C3orf70: variants seen among roughly 807,000 people sequenced by gnomAD.
The protein encoded by C3orf70 is chromosome 3 open reading frame 70, also known as UPF0524 protein C3orf70.
C3orf70 carries 15 observed loss-of-function variants against 20.7 expected under a neutral mutation model. The observed-to-expected ratio is 0.72, with a 90% CI of 0.48 to 1.11. C3orf70 has a LOEUF of 1.11. C3orf70 is among the 50% of genes most tolerant of loss of function. C3orf70 has a pLI of 0.00. For synonymous variants in C3orf70, 161 were observed against 125.7 expected (o/e 1.28, Z -1.88); for missense variants, 332 against 317.6 (o/e 1.05, Z -0.34).
At chr3:185,085,403 A>G (rs1715438849) in intron 1 of C3orf70, among the ~76,000 whole-genome samples, 1 of 152,186 alleles carries the variant, frequency 6.6e-6, no homozygotes, top group African/African-American at 2.4e-5. Flanking sequence ...TGACTCCTGC[A>G]CAAAAAAGCC....
chr3:185,136,702 C>G (rs575826373), intron 1 of C3orf70, among the ~76,000 whole-genome samples: 299 of 150,400 alleles, frequency 2.0e-3, no homozygotes, highest in Admixed American at 3.2e-3. Context: ...CCAGCCTGGG[C>G]GACAGAGCGA....
chr3:185,118,040 A>T (rs1327881007), intron 1 of C3orf70, among the ~76,000 whole-genome samples: 1 of 152,076 alleles, frequency 6.6e-6, no homozygotes, highest in East Asian at 1.9e-4. Flanking sequence ...AGTTTTTACA[A>T]TTTTTTGTGA....
chr3:185,093,352 A>C (rs1184963063), intron 1 of C3orf70, among the ~76,000 whole-genome samples: 1 of 152,242 alleles, frequency 6.6e-6, no homozygotes, highest in East Asian at 1.9e-4. Context: ...AAAATAGAGA[A>C]GCTGTTTGCC....
Position 185,083,000 on chromosome 3 carries a change from T to C in C3orf70, c.*7A>G. 1 of 1,610,212 alleles carries C rather than the reference T, an allele frequency of 6.2e-7. No individual in the cohort carries two copies. The highest frequency in any genetic ancestry group is 8.5e-7 in the Non-Finnish European group (1 of 1,177,758). ...GGGTCCGAGGCTGTGGCTTCCTGTC[T>C]GGACTCTCACACAGTCGTTTCTATC... On this transcript the variant is annotated 3_prime_UTR_variant, in exon 2 of 2. Transcript: ENST00000335012.
intron 1 of C3orf70, among the ~76,000 whole-genome samples, chr3:185,114,023 A>G (rs1716128173): frequency 6.6e-6 from 1 of 152,062 alleles, no homozygotes; most frequent in Non-Finnish European, 1.5e-5. Context: ...AACATGAAGA[A>G]ACCCTGTCTC....
Position 185,083,405 on chromosome 3 carries a change from CA to C in C3orf70, c.354del (p.Asp119ThrfsTer7), listed in dbSNP as rs768817325. 1.2e-6 allele frequency: 2 copies of C among 1,614,056 alleles called. No individual in the cohort carries two copies. Among genetic ancestry groups the C allele is most frequent in the East Asian group, 2.2e-5 (1 of 44,886 alleles). On this transcript the variant is annotated frameshift_variant, in exon 2 of 2. Transcript: ENST00000335012. LOFTEE classifies it high-confidence loss of function. ...GAAATCATACAGTACCTCGGTGAGT[CA>C]GGGGGAAGGGGAGGCTGGAAGACAG... ...FASVFQPPLP[P>X]DSPRYCMISD...
intron 1 of C3orf70, among the ~76,000 whole-genome samples, chr3:185,088,530 T>A (rs550934055): frequency 6.6e-6 from 1 of 152,294 alleles, no homozygotes; most frequent in South Asian, 2.1e-4. Context: ...ATCTATGATT[T>A]TTTTTCAAAA....
intron 1 of C3orf70, among the ~76,000 whole-genome samples, chr3:185,107,948 G>A (rs192994430): frequency 2.7e-4 from 41 of 152,072 alleles, no homozygotes; most frequent in Non-Finnish European, 2.5e-4. Context: ...ACTAATTCAC[G>A]GACTCTAACT....
chr3:185,080,620 G>A lies in C3orf70; in HGVS notation c.*2387C>T, dbSNP rs566649478. On this transcript the variant is annotated 3_prime_UTR_variant, in exon 2 of 2. Coordinates refer to ENST00000335012, the MANE Select transcript of C3orf70 (RefSeq NM_001025266.3). ...GTGTTGCTGTTACAAACCTGAGTGCGTGATGCATGACTGCACTGCTGTGGC... is the reference window on the plus strand; with the variant it reads ...GTGTTGCTGTTACAAACCTGAGTGCATGATGCATGACTGCACTGCTGTGGC... 3.1e-4 allele frequency: 47 copies of A among 152,636 alleles called. No homozygotes were observed. Among genetic ancestry groups the A allele is most frequent in the South Asian group, 4.1e-4 (2 of 4,822 alleles). The allele number at this position is 152,636 out of a possible 1,614,324, so 9.5% of individuals were successfully genotyped here.
intron 1 of C3orf70, among the ~76,000 whole-genome samples, chr3:185,119,933 G>T (rs911579728): frequency 6.7e-5 from 10 of 150,100 alleles, no homozygotes; most frequent in Admixed American, 3.3e-4. Context: ...GAGGCAGGAG[G>T]ATCGCTTGAA....
rs1173141371 is a variant in C3orf70, at chr3:185,114,351, T to A, written c.197-30788A>T. On this transcript the variant is annotated intron_variant, in intron 1 of 1. Transcript: ENST00000335012. ...GTAATTATTCAGATATGTGAACATATCCACACTTGGAAATATCCAAGAATT... is the reference window on the plus strand; with the variant it reads ...GTAATTATTCAGATATGTGAACATAACCACACTTGGAAATATCCAAGAATT... 2.6e-5 allele frequency among the ~76,000 whole-genome samples: 4 copies of A among 152,176 alleles called. No individual in the cohort carries two copies. The South Asian group carries it at 8.3e-4, about 32-fold the overall frequency.
At chr3:185,097,474 A>G (rs541721147) in intron 1 of C3orf70, among the ~76,000 whole-genome samples, 1 of 152,376 alleles carries the variant, frequency 6.6e-6, no homozygotes, top group East Asian at 1.9e-4. Context: ...AATGGCATAT[A>G]AAACTACTGA....
At chr3:185,124,273 A>G (rs181172703) in intron 1 of C3orf70, among the ~76,000 whole-genome samples, 256 of 152,328 alleles carry the variant, frequency 1.7e-3, no homozygotes, top group Non-Finnish European at 2.6e-3. Flanking sequence ...ACTGTACATG[A>G]AGAAAAAGCA....
At chr3:185,105,873 G>T (rs1364132445) in intron 1 of C3orf70, among the ~76,000 whole-genome samples, 1 of 152,210 alleles carries the variant, frequency 6.6e-6, no homozygotes, top group African/African-American at 2.4e-5. Flanking sequence ...AATGGGATAA[G>T]TGTGGGGTGT....
Position 185,105,756 on chromosome 3 carries a change from G to A in C3orf70, c.197-22193C>T, listed in dbSNP as rs139245823. On this transcript the variant is annotated intron_variant, in intron 1 of 1. Coordinates refer to ENST00000335012, the MANE Select transcript of C3orf70 (RefSeq NM_001025266.3). The stretch of plus-strand genomic sequence containing the variant: ...GGGCTCGAATCCAGGTTGAAGGGTC[G>A]CTGGAGCGATGGTTGGAGAATGTGG... Among the ~76,000 whole-genome samples, 37 of 152,296 alleles carry A rather than the reference G, an allele frequency of 2.4e-4. 1 individual carries two copies. The highest frequency in any genetic ancestry group is 6.8e-3 in the Middle Eastern group (2 of 294).
chr3:185,152,323 A>G (rs1309761598), intron 1 of C3orf70, among the ~76,000 whole-genome samples: 1 of 152,204 alleles, frequency 6.6e-6, no homozygotes, highest in Non-Finnish European at 1.5e-5. Flanking sequence ...AAAAAAAGAA[A>G]AAGAAAAGAA....
At chr3:185,144,888 C>G (rs145532944) in intron 1 of C3orf70, among the ~76,000 whole-genome samples, 1 of 152,136 alleles carries the variant, frequency 6.6e-6, no homozygotes, top group South Asian at 2.1e-4. Context: ...ACTATAGGCA[C>G]CCACCATGGC....
intron 1 of C3orf70, among the ~76,000 whole-genome samples, chr3:185,109,839 G>A (rs552337716): frequency 1.3e-5 from 2 of 152,190 alleles, no homozygotes; most frequent in South Asian, 2.1e-4. Flanking sequence ...AAACCTATTT[G>A]TAAACAAAAT....
At chr3:185,134,288 A>T (rs528032764) in intron 1 of C3orf70, among the ~76,000 whole-genome samples, 1 of 152,298 alleles carries the variant, frequency 6.6e-6, no homozygotes, top group African/African-American at 2.4e-5. Flanking sequence ...ATTAAAGTCA[A>T]ATAAAAAAGA....
Sources: gnomAD v4.1 joint callset for allele counts (sites outside exome capture counted in the v4.1 genomes callset) on GRCh38, gnomAD v4.1.1 for gene constraint, MANE v1.5 for transcripts, NCBI Gene and HGNC (gene_info 2026-07-23, HGNC 2026-07-21) for gene names.